Variants in GALNTL6 observed in about 807,000 individuals in gnomAD.
GALNTL6 encodes polypeptide N-acetylgalactosaminyltransferase-like 6.
GALNTL6 carries 46 observed loss-of-function variants against 73.7 expected under a neutral mutation model. The observed-to-expected ratio is 0.62, with a 90% CI of 0.49 to 0.80. The LOEUF (loss-of-function observed/expected upper bound fraction) is 0.80, where lower values mean the gene tolerates loss of function less well. Among genes scored for constraint, GALNTL6 ranks in the 30% least tolerant of loss-of-function variants. The pLI is 0.00. For synonymous variants in GALNTL6, 259 were observed against 263.7 expected, an observed-to-expected ratio of 0.98 and a Z score of 0.17; for missense variants, 604 against 755.0, an observed-to-expected ratio of 0.80 and a Z score of 2.34.
intron 5 of GALNTL6, among the ~76,000 whole-genome samples, chr4:172,739,593 A>G (rs1736683268): frequency 6.6e-6 from 1 of 152,184 alleles, no homozygotes; most frequent in Non-Finnish European, 1.5e-5. Context: ...TTTTTCCAAA[A>G]CTAATGTATT....
intron 5 of GALNTL6, among the ~76,000 whole-genome samples, chr4:172,435,082 C>A (rs1176794844): frequency 6.6e-6 from 1 of 152,120 alleles, no homozygotes; most frequent in African/African-American, 2.4e-5. Context: ...TTGGATTAGG[C>A]AACTCCTCTT....
intron 2 of GALNTL6, among the ~76,000 whole-genome samples, chr4:172,209,787 C>T (rs1736265647): frequency 6.6e-6 from 1 of 152,038 alleles, no homozygotes; most frequent in Non-Finnish European, 1.5e-5. Flanking sequence ...TTTATATTTG[C>T]CCTTCCACAA....
At chr4:172,582,760 A>G (rs904112272) in intron 5 of GALNTL6, among the ~76,000 whole-genome samples, 55 of 151,964 alleles carry the variant, frequency 3.6e-4, no homozygotes, top group Admixed American at 2.6e-3. Flanking sequence ...ACACACACAC[A>G]CACACACACA....
At chr4:172,063,996 G>C (rs1226014267) in intron 2 of GALNTL6, among the ~76,000 whole-genome samples, 3 of 152,074 alleles carry the variant, frequency 2.0e-5, no homozygotes, top group African/African-American at 7.2e-5. Context: ...TCCTTCTCCT[G>C]CAGGATTATT....
intron 2 of GALNTL6, among the ~76,000 whole-genome samples, chr4:171,921,577 C>T (rs1419225024): frequency 6.6e-6 from 1 of 152,078 alleles, no homozygotes; most frequent in African/African-American, 2.4e-5. Flanking sequence ...ATTATTGTAT[C>T]TTCAATTGTA....
intron 8 of GALNTL6, among the ~76,000 whole-genome samples, chr4:172,909,776 A>G (rs1747102563): frequency 6.6e-6 from 1 of 152,122 alleles, no homozygotes; most frequent in African/African-American, 2.4e-5. Context: ...TTTTATTTCT[A>G]TTTACATAAA....
intron 5 of GALNTL6, among the ~76,000 whole-genome samples, chr4:172,600,480 A>G (rs2111022288): frequency 6.6e-6 from 1 of 152,252 alleles, no homozygotes; most frequent in East Asian, 1.9e-4. Flanking sequence ...GGTGACTGGT[A>G]TTTGAGTAGT....
intron 3 of GALNTL6, among the ~76,000 whole-genome samples, chr4:172,295,103 T>A (rs1366314098): frequency 1.3e-5 from 2 of 152,124 alleles, no homozygotes; most frequent in African/African-American, 2.4e-5. Context: ...TATCTCCAGG[T>A]ACTAGGCATA....
At chr4:172,606,642 TATATATATA>T (rs1231357027) in intron 5 of GALNTL6, among the ~76,000 whole-genome samples, 1 of 34,872 alleles carries the variant, frequency 2.9e-5, no homozygotes, top group African/African-American at 6.5e-5. Context: ...ATATATATAC[TATATATATA>T]GTATATATAT....
intron 2 of GALNTL6, among the ~76,000 whole-genome samples, chr4:171,835,505 C>T (rs1203310327): frequency 6.6e-6 from 1 of 151,740 alleles, no homozygotes; most frequent in African/African-American, 2.4e-5. Context: ...TACTCAAGCT[C>T]TAAAATATAT....
intron 5 of GALNTL6, among the ~76,000 whole-genome samples, chr4:172,423,227 C>A (rs1314977824): frequency 6.6e-6 from 1 of 151,936 alleles, no homozygotes; most frequent in Non-Finnish European, 1.5e-5. Flanking sequence ...CTTCCCAGTC[C>A]TTTCTAGTAG....
chr4:172,639,855 C>T (rs954532587), intron 5 of GALNTL6, among the ~76,000 whole-genome samples: 2 of 152,082 alleles, frequency 1.3e-5, no homozygotes, highest in African/African-American at 4.8e-5. Flanking sequence ...TATCCTTTTT[C>T]ATCTACTCAA....
At chr4:172,904,629 C>T (rs955590176) in intron 8 of GALNTL6, among the ~76,000 whole-genome samples, 1 of 152,124 alleles carries the variant, frequency 6.6e-6, no homozygotes, top group Non-Finnish European at 1.5e-5. Context: ...TCCTTTGCCC[C>T]TTCCTCTCCA....
intron 2 of GALNTL6, among the ~76,000 whole-genome samples, chr4:171,984,761 T>C (rs1009396554): frequency 6.6e-6 from 1 of 151,832 alleles, no homozygotes; most frequent in East Asian, 1.9e-4. Context: ...TTAATGGGGG[T>C]ATTTGAGTAT....
chr4:172,681,587 T>G (rs984019457), intron 5 of GALNTL6, among the ~76,000 whole-genome samples: 3 of 152,200 alleles, frequency 2.0e-5, no homozygotes, highest in Non-Finnish European at 4.4e-5. Flanking sequence ...AAAAAATTGT[T>G]TGTATTCTAA....
At chr4:172,142,193 T>A (rs1017231306) in intron 2 of GALNTL6, among the ~76,000 whole-genome samples, 1 of 152,006 alleles carries the variant, frequency 6.6e-6, no homozygotes, top group African/African-American at 2.4e-5. Flanking sequence ...TGGTTTATTT[T>A]AAAAAATATA....
Position 172,900,311 on chromosome 4 carries a change from C to T in GALNTL6, c.1041+17404C>T, listed in dbSNP as rs186585029. Among the ~76,000 whole-genome samples, 28 of 152,224 alleles carry T rather than the reference C, an allele frequency of 1.8e-4. 1 individual carries two copies. In the East Asian group the frequency reaches 5.2e-3, roughly 28 times the overall value. ...TTTAAAAATCAAATAAATTACCCAA[C>T]GTCACTTAGAGATTAAAATGTTCTG... On this transcript the variant is annotated intron_variant, in intron 8 of 12. Coordinates refer to ENST00000506823, the MANE Select transcript of GALNTL6 (RefSeq NM_001034845.3).
intron 7 of GALNTL6, among the ~76,000 whole-genome samples, chr4:172,851,469 T>A (rs1743817016): frequency 6.6e-6 from 1 of 152,024 alleles, no homozygotes; most frequent in African/African-American, 2.4e-5. Flanking sequence ...TATATACATA[T>A]ATATATCATT....
chr4:171,885,737 C>T (rs28505593), intron 2 of GALNTL6, among the ~76,000 whole-genome samples: 77,284 of 151,870 alleles, frequency 0.51, 20,266 homozygotes, highest in African/African-American at 0.63. Context: ...CCTGGGAGGT[C>T]GAGGCTGCAG....
Sources: allele counts gnomAD v4.1 joint callset (sites outside exome capture counted in the v4.1 genomes callset), GRCh38; gene constraint gnomAD v4.1.1; transcripts MANE v1.5; gene names NCBI Gene and HGNC (gene_info 2026-07-23, HGNC 2026-07-21).